The following APOBEC3H variants were observed in gnomAD, a reference collection of about 807,000 sequenced individuals.
APOBEC3H encodes the protein DNA dC->dU-editing enzyme APOBEC-3H.
A neutral mutation model predicts 21.2 loss-of-function variants in APOBEC3H; 8 were observed. The observed-to-expected ratio is 0.38, with a 90% CI of 0.22 to 0.68. The LOEUF (loss-of-function observed/expected upper bound fraction) is 0.68. APOBEC3H is among the 30% of genes least tolerant of loss of function. The probability of loss-of-function intolerance (pLI) is 0.52; values close to 1 mark genes in which losing one functional copy is unlikely to be tolerated. For synonymous variants in APOBEC3H, 88 were observed against 91.0 expected, an observed-to-expected ratio of 0.97 and a Z score of 0.19; for missense variants, 229 against 228.1, an observed-to-expected ratio of 1.00 and a Z score of -0.03.
chr22:39,101,544 C>G (rs78724870), intron 3 of APOBEC3H, 40 bp downstream of exon 3: 1 of 852,508 alleles, frequency 1.2e-6, no homozygotes, highest in East Asian at 4.2e-5. Flanking sequence ...TGCAAACCCC[C>G]GGGGGCACAG....
chr22:39,100,303 T>G lies in APOBEC3H; in HGVS notation c.25T>G (p.Phe9Val). 1 of 1,608,302 alleles carries G rather than the reference T, an allele frequency of 6.2e-7. No individual in the cohort carries two copies. Among genetic ancestry groups the G allele is most frequent in the Non-Finnish European group, 8.5e-7 (1 of 1,177,926 alleles). MALLTAET[F>V]RLQFNNKRRL... Reference sequence around the variant, plus strand: ...GATGGCTCTGTTAACAGCCGAAACATTCCGCTTACAGTTTAACAACAAGCG... The same window carrying G: ...GATGGCTCTGTTAACAGCCGAAACAGTCCGCTTACAGTTTAACAACAAGCG... Residue 9 changes from phenylalanine (F) to valine (V), a missense_variant, in exon 2 of 5, where the codon TTC becomes GTC. By Grantham distance (50) the Phe-to-Val change is conservative. Transcript: ENST00000442487.
At chr22:39,102,625 C>T (rs1929435389) in intron 4 of APOBEC3H, 1 of 710,412 alleles carries the variant, frequency 1.4e-6, no homozygotes, top group African/African-American at 1.8e-5. Context: ...CAACCCTGGC[C>T]CCCCTCCCAC....
chr22:39,098,710 A>G (rs1929136296), intron 1 of APOBEC3H, among the ~76,000 whole-genome samples: 1 of 152,156 alleles, frequency 6.6e-6, no homozygotes, highest in Non-Finnish European at 1.5e-5. Flanking sequence ...TGCCCCTGCC[A>G]GCATCTCCTT....
At chr22:39,098,305 C>T (rs561195351) in intron 1 of APOBEC3H, among the ~76,000 whole-genome samples, 3 of 152,108 alleles carry the variant, frequency 2.0e-5, no homozygotes, top group Non-Finnish European at 2.9e-5. Flanking sequence ...AGCGCAATCT[C>T]GGCTCACTAC....
chr22:39,102,334 A>G lies in APOBEC3H; in HGVS notation c.543+292A>G, dbSNP rs755402435. Among the ~76,000 whole-genome samples, 67 of 130,556 alleles carry G rather than the reference A, an allele frequency of 5.1e-4. 1 individual carries two copies. Among genetic ancestry groups the G allele is most frequent in the South Asian group, 5.5e-4 (2 of 3,648 alleles). The allele number at this position is 130,556 out of a possible 152,430, so 85.6% of individuals were successfully genotyped here. A position where few individuals can be genotyped will look rare whatever the true frequency, so the allele number is the denominator to read the frequency against. On this transcript the variant is annotated intron_variant, in intron 4 of 4. Coordinates refer to ENST00000442487, the MANE Select transcript of APOBEC3H (RefSeq NM_181773.5). ...CAGCTAATTTTTGCATTTTTAGTAG[A>G]GATGGGGTTTCACCATGTTGCCCAG...
At chr22:39,102,705 T>C (rs1762879706) in intron 4 of APOBEC3H, 4 of 574,904 alleles carry the variant, frequency 7.0e-6, no homozygotes, top group Admixed American at 2.5e-5. Context: ...TCTCACCATA[T>C]ACAAAAATTA....
In APOBEC3H at chr22:39,101,512, A is replaced by G; in HGVS notation, c.418+8A>G. The G allele has an allele frequency of 6.4e-7, 1 of 1,561,140 alleles. No homozygotes were observed. Among genetic ancestry groups the G allele is most frequent in the African/African-American group, 1.4e-5 (1 of 71,712 alleles). ...AGGTCATGGGCTTCCCAGGTAGGAA[A>G]GAGGCTTTGCAGTTATAAGAGTGCA... is the stretch of plus-strand genomic sequence containing the variant. On this transcript the variant is annotated splice_region_variant and intron_variant, in intron 3 of 4. Transcript: ENST00000442487.
intron 2 of APOBEC3H, 106 bp downstream of exon 2, chr22:39,100,534 T>A: frequency 7.0e-7 from 1 of 1,430,786 alleles, no homozygotes; most frequent in Non-Finnish European, 9.4e-7. Flanking sequence ...ATTTTTGATG[T>A]AACACCCTCT....
intron 1 of APOBEC3H, among the ~76,000 whole-genome samples, chr22:39,097,973 T>C (rs571385584): frequency 5.3e-5 from 8 of 152,288 alleles, no homozygotes; most frequent in African/African-American, 1.9e-4. Flanking sequence ...GGAGAAATGC[T>C]TTTATTTTAA....
chr22:39,098,919 C>T (rs926046104), intron 1 of APOBEC3H, among the ~76,000 whole-genome samples: 32 of 152,142 alleles, frequency 2.1e-4, no homozygotes, highest in African/African-American at 5.6e-4. Context: ...CCTGGCGGGG[C>T]GCGGTGGCTC....
At position 39,103,690 on chromosome 22, in the gene APOBEC3H, A is replaced by C. The variant is rs1353555571; in HGVS notation, c.545A>C (p.Gln182Pro). The C allele has an allele frequency of 6.2e-7, 1 of 1,614,008 alleles. No homozygotes were observed. The highest frequency in any genetic ancestry group is 1.3e-5 in the African/African-American group (1 of 75,000). Residue 182 changes from glutamine (Q) to proline (P), a missense_variant and splice_region_variant, in exon 5 of 5, where the codon CAG (glutamine) becomes CCG (proline). Gln to Pro is a moderately conservative substitution (Grantham distance 76). Coordinates refer to ENST00000442487, the MANE Select transcript of APOBEC3H (RefSeq NM_181773.5). ...AIKRRLERIK[Q>P]S ...CTAACTTCTCTCTTTCCCTCTCAGC[A>C]GTCCTGAAGTGTGGATGTTTTAGAG...
At chr22:39,100,100 A>T (rs1055892265) in intron 1 of APOBEC3H, among the ~76,000 whole-genome samples, 172 bp from the exon 2 acceptor site, 6 of 152,098 alleles carry the variant, frequency 3.9e-5, no homozygotes, top group Non-Finnish European at 7.4e-5. Context: ...TTGAACTTGG[A>T]AGGCGGAGGT....
intron 4 of APOBEC3H, among the ~76,000 whole-genome samples, chr22:39,102,292 G>A (rs922978541): frequency 5.3e-5 from 8 of 152,120 alleles, no homozygotes; most frequent in Non-Finnish European, 1.2e-4. Flanking sequence ...GGGAGTACAG[G>A]CACTCGCCAC....
chr22:39,102,618 C>G, intron 4 of APOBEC3H: 1 of 712,500 alleles, frequency 1.4e-6, no homozygotes, highest in Non-Finnish European at 2.6e-6. Flanking sequence ...AGTTTTTCAA[C>G]CCTGGCCCCC....
intron 4 of APOBEC3H, 52 bp downstream of exon 4, chr22:39,102,094 C>T (rs774162376): frequency 2.5e-6 from 4 of 1,595,194 alleles, no homozygotes; most frequent in Non-Finnish European, 3.4e-6. Flanking sequence ...CCTGCCGCAG[C>T]CCCATACCCA....
In APOBEC3H at chr22:39,104,040, C is replaced by A. The variant is rs936972142; in HGVS notation, c.*343C>A. ...TAGCACTTTGGGAGGCTGAGATGCT[C>A]GGCCAATAAATTTCTATTGTTTATG... On this transcript the variant is annotated 3_prime_UTR_variant, in exon 5 of 5. Coordinates refer to ENST00000442487, the MANE Select transcript of APOBEC3H (RefSeq NM_181773.5). 1.1e-5 allele frequency: 4 copies of A among 352,376 alleles called. No individual in the cohort carries two copies. The highest frequency in any genetic ancestry group is 8.4e-5 in the African/African-American group (4 of 47,828). 21.8% of individuals were successfully genotyped at this position (352,376 alleles called of 1,614,324 possible). A position where few individuals can be genotyped will look rare whatever the true frequency, so the allele number is the denominator to read the frequency against.
At chr22:39,103,603 A>G in intron 4 of APOBEC3H, 86 bp from the exon 5 acceptor site, 1 of 1,429,762 alleles carries the variant, frequency 7.0e-7, no homozygotes, top group Non-Finnish European at 9.9e-7. Flanking sequence ...TTCTCTTCCT[A>G]ATGATCTCAT....
chr22:39,098,589 A>G (rs1929130866), intron 1 of APOBEC3H, among the ~76,000 whole-genome samples: 1 of 152,190 alleles, frequency 6.6e-6, no homozygotes, highest in Non-Finnish European at 1.5e-5. Flanking sequence ...CACTTTTCTT[A>G]TTTTTAATGG....
At position 39,103,816 on chromosome 22, in the gene APOBEC3H, G is replaced by T. The variant is rs750399287; in HGVS notation, c.*119G>T. 2.3e-6 allele frequency: 3 copies of T among 1,323,482 alleles called. No individual in the cohort carries two copies. The highest frequency in any genetic ancestry group is 3.3e-6 in the Non-Finnish European group (3 of 916,102). 82.0% of individuals were successfully genotyped at this position (1,323,482 alleles called of 1,614,324 possible). On this transcript the variant is annotated 3_prime_UTR_variant, in exon 5 of 5. Transcript: ENST00000442487. Reference sequence around the variant, plus strand: ...GGGCATGTCAGTTGCCTCATAGCCTGCTGGTCCTGTAAGCAAGCACTAAGC... The same window carrying T: ...GGGCATGTCAGTTGCCTCATAGCCTTCTGGTCCTGTAAGCAAGCACTAAGC...
Sources: gnomAD v4.1 joint callset for allele counts (sites outside exome capture counted in the v4.1 genomes callset) on GRCh38, gnomAD v4.1.1 for gene constraint, MANE v1.5 for transcripts, NCBI Gene and HGNC (gene_info 2026-07-23, HGNC 2026-07-21) for gene names.